The following TXNDC11 variants were observed in gnomAD, a reference collection of about 807,000 sequenced individuals.
TXNDC11 encodes the protein thioredoxin domain-containing protein 11.
Under a neutral mutation model 78.0 loss-of-function variants are expected in TXNDC11, and 68 were observed. That is an observed-to-expected ratio of 0.87 (90% CI 0.72 to 1.07). TXNDC11 has a LOEUF of 1.07. Among genes scored for constraint, TXNDC11 ranks in the 50% least tolerant of loss-of-function variants. TXNDC11 has a pLI of 0.00. For missense variants in TXNDC11, 1,389 were observed against 1,221.8 expected (o/e 1.14, Z -2.04); for synonymous variants, 571 against 495.2 (o/e 1.15, Z -2.03).
intron 1 of TXNDC11, among the ~76,000 whole-genome samples, chr16:11,738,667 A>C (rs950480295): frequency 6.6e-6 from 1 of 152,022 alleles, no homozygotes; most frequent in African/African-American, 2.4e-5. Context: ...ACAGGAAAAA[A>C]AAAAAAAAGA....
At chr16:11,696,310 G>T (rs1349624309) in intron 7 of TXNDC11, among the ~76,000 whole-genome samples, 1 of 152,092 alleles carries the variant, frequency 6.6e-6, no homozygotes, top group Non-Finnish European at 1.5e-5. Flanking sequence ...CCCATCCAAA[G>T]CCTCTGCTAA....
chr16:11,740,527 C>G (rs1419240560), intron 1 of TXNDC11, among the ~76,000 whole-genome samples: 1 of 152,242 alleles, frequency 6.6e-6, no homozygotes, highest in African/African-American at 2.4e-5. Context: ...ACCATTATTT[C>G]TAGACTTTAA....
chr16:11,700,715 C>T, intron 5 of TXNDC11, 151 bp from the exon 6 acceptor site: 1 of 576,272 alleles, frequency 1.7e-6, no homozygotes, highest in East Asian at 2.9e-5. Context: ...CGCTGAGGAA[C>T]CTCTCCTCCT....
intron 1 of TXNDC11, among the ~76,000 whole-genome samples, chr16:11,738,042 C>A (rs2052278948): frequency 1.3e-5 from 2 of 152,072 alleles, no homozygotes; most frequent in South Asian, 4.1e-4. Context: ...TGGCATGACT[C>A]ATGAGGTAAA....
intron 5 of TXNDC11, among the ~76,000 whole-genome samples, chr16:11,708,475 CACTGAAAGA>C (rs1166574161): frequency 6.6e-6 from 1 of 152,114 alleles, no homozygotes; most frequent in Non-Finnish European, 1.5e-5. Context: ...CCCAAGGATA[CACTGAAAGA>C]ACAGAGAGAA....
intron 5 of TXNDC11, among the ~76,000 whole-genome samples, chr16:11,710,163 C>T (rs1346847772): frequency 6.6e-6 from 1 of 151,314 alleles, no homozygotes; most frequent in Non-Finnish European, 1.5e-5. Flanking sequence ...ATAAAATGAT[C>T]AATTGAAAAA....
intron 7 of TXNDC11, among the ~76,000 whole-genome samples, chr16:11,692,910 G>C (rs981832247): frequency 6.6e-6 from 1 of 152,108 alleles, no homozygotes; most frequent in Non-Finnish European, 1.5e-5. Flanking sequence ...TGGGGACACC[G>C]GCTCCTCCAT....
rs772073632 is a variant in TXNDC11, at chr16:11,679,553, T to TGCC, written c.2516_2518dup (p.Arg839dup). 5 of 1,613,704 alleles carry TGCC rather than the reference T, an allele frequency of 3.1e-6. No homozygotes were observed. In the South Asian group the frequency reaches 3.3e-5, roughly 11 times the overall value. On this transcript the variant is annotated inframe_insertion, in exon 12 of 12. Coordinates refer to ENST00000283033, the MANE Select transcript of TXNDC11 (RefSeq NM_015914.7). The surrounding 1 kb of genome is among the most constrained non-coding windows in gnomAD (Gnocchi z 4.6). Reference sequence around the variant, plus strand: ...CTGCTCTTCCAGGGCCCGCTGCTGCTGCCGCAGCCGGTGCTCATCTCTGCG... The same window carrying TGCC: ...CTGCTCTTCCAGGGCCCGCTGCTGCTGCCGCCGCAGCCGGTGCTCATCTCTGCG...
intron 5 of TXNDC11, among the ~76,000 whole-genome samples, chr16:11,709,581 C>T (rs970640637): frequency 4.0e-5 from 6 of 151,220 alleles, no homozygotes; most frequent in Non-Finnish European, 8.9e-5. Context: ...ACTACAGGCG[C>T]CCGCTACCAT....
chr16:11,734,398 A>T (rs1344216428), intron 2 of TXNDC11, among the ~76,000 whole-genome samples: 3 of 152,166 alleles, frequency 2.0e-5, no homozygotes, highest in Non-Finnish European at 4.4e-5. Context: ...GTAAGCTCTC[A>T]ATTTGGAAGG....
intron 5 of TXNDC11, among the ~76,000 whole-genome samples, chr16:11,702,222 T>C (rs918002033): frequency 6.6e-6 from 1 of 152,152 alleles, no homozygotes; most frequent in Non-Finnish European, 1.5e-5. Flanking sequence ...CTTATCCTTA[T>C]GTGTGAAGCT....
At position 11,679,446 on chromosome 16, in the gene TXNDC11, T is replaced by C. The variant is rs778623980; in HGVS notation, c.2626A>G (p.Lys876Glu). 1.5e-5 allele frequency: 24 copies of C among 1,613,284 alleles called. No individual in the cohort carries two copies. Among genetic ancestry groups the C allele is most frequent in the East Asian group, 2.2e-5 (1 of 44,862 alleles). Reference sequence around the variant, plus strand: ...GAGGCATCGGCCAGCTCCTGCAGCTTGCGGGCCAGCTCCTGCAGCTCACGT... The same window carrying C: ...GAGGCATCGGCCAGCTCCTGCAGCTCGCGGGCCAGCTCCTGCAGCTCACGT... Reference protein sequence around the residue: ...KTRELQELARKLQELADASEN... With the variant: ...KTRELQELARELQELADASEN... Residue 876 changes from lysine (K) to glutamate (E), a missense_variant, in exon 12 of 12, where the codon AAG becomes GAG. Transcript: ENST00000283033. The surrounding 1 kb of genome is among the most constrained non-coding windows in gnomAD (Gnocchi z 4.6).
rs111887849 is a variant in TXNDC11 at position 11,712,929 on chromosome 16, AACAC to A, written c.793+8644_793+8647del. 2.1e-3 allele frequency among the ~76,000 whole-genome samples: 294 copies of A among 142,082 alleles called. 1 individual carries two copies. Among genetic ancestry groups the A allele is most frequent in the African/African-American group, 6.5e-3 (249 of 38,212 alleles). 93.2% of individuals were successfully genotyped at this position (142,082 alleles called of 152,430 possible). On this transcript the variant is annotated intron_variant, in intron 5 of 11. Coordinates refer to ENST00000283033, the MANE Select transcript of TXNDC11 (RefSeq NM_015914.7). ...ATGGAGAAACCCCATTTCCACTTAA[AACAC>A]ACACACACACACACACACACACACA...
chr16:11,719,448 CTA>C (rs2051638956), intron 5 of TXNDC11, among the ~76,000 whole-genome samples: 2 of 152,288 alleles, frequency 1.3e-5, no homozygotes, highest in Admixed American at 6.5e-5. Context: ...TTTTCTCCCC[CTA>C]TGTCTCCCAG....
At chr16:11,708,732 A>T (rs2051254134) in intron 5 of TXNDC11, among the ~76,000 whole-genome samples, 1 of 152,220 alleles carries the variant, frequency 6.6e-6, no homozygotes, top group Non-Finnish European at 1.5e-5. Flanking sequence ...CTCCATGGGG[A>T]AATTCTTCTC....
intron 5 of TXNDC11, among the ~76,000 whole-genome samples, chr16:11,710,630 G>C (rs1296958817): frequency 6.6e-6 from 1 of 152,142 alleles, no homozygotes; most frequent in Non-Finnish European, 1.5e-5. Flanking sequence ...TGGGTGGACT[G>C]CTTGAGCCCA....
Position 11,736,247 on chromosome 16 carries a change from AAC to A in TXNDC11, c.255-16_255-15del, listed in dbSNP as rs1431934843. On this transcript the variant is annotated splice_polypyrimidine_tract_variant and intron_variant, in intron 1 of 11. Coordinates refer to ENST00000283033, the MANE Select transcript of TXNDC11 (RefSeq NM_015914.7). Reference sequence around the variant, plus strand: ...TCTTTTGCTCGACTAAAAAAGAGCAAACACAGAAAAGATTGCTTAGTTTATCT... The same window carrying A: ...TCTTTTGCTCGACTAAAAAAGAGCAAACAGAAAAGATTGCTTAGTTTATCT... 1.3e-6 allele frequency: 2 copies of A among 1,576,880 alleles called. No individual in the cohort carries two copies. Among genetic ancestry groups the A allele is most frequent in the Admixed American group, 3.6e-5 (2 of 55,158 alleles).
At position 11,742,634 on chromosome 16, in the gene TXNDC11, G is replaced by A. The variant is rs1334117498; in HGVS notation, c.97C>T (p.Leu33Phe). The A allele has an allele frequency of 3.4e-6, 5 of 1,462,086 alleles. No individual in the cohort carries two copies. Among genetic ancestry groups the A allele is most frequent in the Non-Finnish European group, 2.7e-6 (3 of 1,112,964 alleles). 90.6% of individuals were successfully genotyped at this position (1,462,086 alleles called of 1,614,324 possible). The change falls in exon 1 of 12, where the codon CTC becomes TTC. Residue 33 changes from leucine to phenylalanine, a missense_variant. Coordinates refer to ENST00000283033, the MANE Select transcript of TXNDC11 (RefSeq NM_015914.7). ...GTGGCCAGGGTCGGGCTCGAGCTGA[G>A]GCAGTCTGAGCCCGCGGGGCCGCCG... is the stretch of plus-strand genomic sequence containing the variant. Reference protein sequence around the residue: ...GGGGPAGSDCLSSSPTLATAS... With the variant: ...GGGGPAGSDCFSSSPTLATAS...
At chr16:11,692,207 T>C (rs1373006782) in intron 7 of TXNDC11, 125 bp from the exon 8 acceptor site, 1 of 735,084 alleles carries the variant, frequency 1.4e-6, no homozygotes, top group South Asian at 2.2e-5. Flanking sequence ...AAATACTAAA[T>C]GGAAAATTCC....
Sources: allele counts gnomAD v4.1 joint callset (sites outside exome capture counted in the v4.1 genomes callset), GRCh38; gene constraint gnomAD v4.1.1; non-coding constraint Gnocchi (gnomAD v3.1); transcripts MANE v1.5; gene names NCBI Gene and HGNC (gene_info 2026-07-23, HGNC 2026-07-21).